The following SLC25A53 variants were observed in gnomAD, a reference collection of about 807,000 sequenced individuals.
The protein encoded by SLC25A53 is mitochondrial carrier triple repeat protein 6.
In SLC25A53, 5 loss-of-function variants were observed where a neutral mutation model predicts 15.0. The ratio of observed to expected loss-of-function variants is 0.33; its 90% CI spans 0.17 to 0.70. The LOEUF is 0.70. Among genes scored for constraint, SLC25A53 ranks in the 30% least tolerant of loss-of-function variants. The pLI, the probability that SLC25A53 is intolerant of heterozygous loss-of-function variation, is 0.67. For synonymous variants in SLC25A53, 95 were observed against 100.0 expected, an observed-to-expected ratio of 0.95 and a Z score of 0.30; for missense variants, 216 against 241.6, an observed-to-expected ratio of 0.89 and a Z score of 0.70.
chrX:104,127,790 C>T (rs1369944610), intron 1 of SLC25A53, among the ~76,000 whole-genome samples: 8 of 111,187 alleles, frequency 7.2e-5, no homozygotes, highest in African/African-American at 6.5e-5. Context: ...ATGGTGAAAC[C>T]GAGTCTTTAC....
chrX:104,127,585 G>A (rs1292419710), intron 1 of SLC25A53, among the ~76,000 whole-genome samples: 2 of 112,059 alleles, frequency 1.8e-5, no homozygotes, highest in Non-Finnish European at 3.8e-5. Context: ...CACCGTTAGA[G>A]GAAGCGTGGT....
At chrX:104,151,760 A>G (rs1453347693) in intron 1 of SLC25A53, among the ~76,000 whole-genome samples, 1 of 112,168 alleles carries the variant, frequency 8.9e-6, no homozygotes, top group Non-Finnish European at 1.9e-5. Context: ...GAGATACTGA[A>G]TGTTCATGCA....
chrX:104,145,683 C>A (rs1317325468), intron 1 of SLC25A53, among the ~76,000 whole-genome samples: 1 of 112,420 alleles, frequency 8.9e-6, no homozygotes, highest in African/African-American at 3.2e-5. Flanking sequence ...ATAAACACTT[C>A]TATGCAAATA....
intron 1 of SLC25A53, among the ~76,000 whole-genome samples, chrX:104,148,011 T>C (rs1352251647): frequency 2.7e-5 from 3 of 111,924 alleles, no homozygotes; most frequent in Admixed American, 9.5e-5. Flanking sequence ...CGTATGTTTA[T>C]TGTGGCATTA....
At chrX:104,152,772 C>G in intron 1 of SLC25A53, among the ~76,000 whole-genome samples, 1 of 112,061 alleles carries the variant, frequency 8.9e-6, no homozygotes, top group East Asian at 2.8e-4. Flanking sequence ...AAGGCACTGG[C>G]CATTCTAGCA....
At chrX:104,143,758 C>A (rs1335592631) in intron 1 of SLC25A53, among the ~76,000 whole-genome samples, 4 of 111,336 alleles carry the variant, frequency 3.6e-5, no homozygotes, top group Non-Finnish European at 5.6e-5. Flanking sequence ...GAGAACACCA[C>A]AGAGATATTC....
At chrX:104,116,210 C>T (rs1437377176) in intron 1 of SLC25A53, among the ~76,000 whole-genome samples, 1 of 111,170 alleles carries the variant, frequency 9.0e-6, no homozygotes, top group Non-Finnish European at 1.9e-5. Context: ...GATCTCTTGA[C>T]CTCAGATTAG....
At chrX:104,107,433 C>T (rs1305453577) in intron 1 of SLC25A53, among the ~76,000 whole-genome samples, 2 of 112,180 alleles carry the variant, frequency 1.8e-5, no homozygotes, top group African/African-American at 6.5e-5. Context: ...CTCTTTGCAT[C>T]CCTTTGGGCC....
chrX:104,107,894 G>T (rs2075319711), intron 1 of SLC25A53, among the ~76,000 whole-genome samples: 1 of 111,630 alleles, frequency 9.0e-6, no homozygotes, highest in Non-Finnish European at 1.9e-5. Context: ...ACCCATCTGA[G>T]CTGTAAATGG....
At position 104,124,527 on chromosome X, in the gene SLC25A53, T is replaced by G. The variant is rs782531069; in HGVS notation, c.-31-19239A>C. On this transcript the variant is annotated intron_variant, in intron 1 of 1. Coordinates refer to ENST00000594199, the MANE Select transcript of SLC25A53 (RefSeq NM_001012755.5). The stretch of plus-strand genomic sequence containing the variant: ...ACTTTGGGAGGCTCTGGAGGAGGAT[T>G]GCTTGAGGCCAAGAGTTCAAGACCA... Among the ~76,000 whole-genome samples the G allele has an allele frequency of 2.7e-5, 3 of 111,124 alleles. No individual in the cohort carries two copies. The East Asian group carries it at 8.5e-4, about 32-fold the overall frequency.
intron 1 of SLC25A53, among the ~76,000 whole-genome samples, chrX:104,145,711 G>A (rs914768196): frequency 1.2e-4 from 14 of 112,387 alleles, no homozygotes; most frequent in Non-Finnish European, 1.9e-4. Flanking sequence ...AAATCTAGAA[G>A]AAATGGATGA....
At chrX:104,120,600 T>C (rs782105114) in intron 1 of SLC25A53, among the ~76,000 whole-genome samples, 1 of 112,183 alleles carries the variant, frequency 8.9e-6, no homozygotes, top group African/African-American at 3.2e-5. Context: ...TCCTTAGAAT[T>C]TTCTGCATAC....
Position 104,147,148 on chromosome X carries a change from G to A in SLC25A53, c.-32+9730C>T, listed in dbSNP as rs184998100. On this transcript the variant is annotated intron_variant, in intron 1 of 1. Transcript: ENST00000594199. ...GAACAGAGCCCTCAGAAATAACGCC[G>A]CATATCTACAACTATCTGATCTCTG... is the stretch of plus-strand genomic sequence containing the variant. Among the ~76,000 whole-genome samples the A allele has an allele frequency of 3.5e-4, 39 of 111,175 alleles. 1 individual carries two copies. Among genetic ancestry groups the A allele is most frequent in the Non-Finnish European group, 5.7e-4 (30 of 53,008 alleles).
rs782516196 is a variant in SLC25A53 at position 104,117,001 on chromosome X, C to T, written c.-31-11713G>A. ...CAGTCTCATTCATACCCCCCTGCTC[C>T]ATCCATATCCCCACAATCCCATTCA... On this transcript the variant is annotated intron_variant, in intron 1 of 1. Transcript: ENST00000594199. 3.9e-5 allele frequency among the ~76,000 whole-genome samples: 4 copies of T among 103,408 alleles called. No individual in the cohort carries two copies. In the South Asian group the frequency reaches 1.9e-3, roughly 50 times the overall value. 89.8% of individuals were successfully genotyped at this position (103,408 alleles called of 115,157 possible). A position where few individuals can be genotyped will look rare whatever the true frequency, so the allele number is the denominator to read the frequency against.
rs1458763100 is a variant in SLC25A53, at chrX:104,100,143, TG to T, written c.*4190del. On this transcript the variant is annotated 3_prime_UTR_variant, in exon 2 of 2. Coordinates refer to ENST00000594199, the MANE Select transcript of SLC25A53 (RefSeq NM_001012755.5). ...CCAGTAAAATTATAATGCTATTTAG[TG>T]TTTAAAAATAAATTGTAAATGCAAA... 8.9e-6 allele frequency: 1 copy of T among 112,133 alleles called. No individual in the cohort carries two copies. The highest frequency in any genetic ancestry group is 2.8e-4 in the East Asian group (1 of 3,602). 9.2% of individuals were successfully genotyped at this position (112,133 alleles called of 1,213,427 possible). A position where few individuals can be genotyped will look rare whatever the true frequency, so the allele number is the denominator to read the frequency against.
At chrX:104,156,234 C>T (rs2075500723) in intron 1 of SLC25A53, among the ~76,000 whole-genome samples, 1 of 111,123 alleles carries the variant, frequency 9.0e-6, no homozygotes. Flanking sequence ...ATCACCGCAT[C>T]AAAGAGCCGT....
intron 1 of SLC25A53, among the ~76,000 whole-genome samples, chrX:104,118,335 C>A (rs1301310973): frequency 8.9e-6 from 1 of 111,767 alleles, no homozygotes; most frequent in African/African-American, 3.3e-5. Context: ...TACTATTTTC[C>A]CTTGTTTCCA....
At chrX:104,127,668 A>T (rs976934643) in intron 1 of SLC25A53, among the ~76,000 whole-genome samples, 1 of 112,112 alleles carries the variant, frequency 8.9e-6, no homozygotes, top group Non-Finnish European at 1.9e-5. Context: ...AATTTTTAAA[A>T]ATAACTAGCG....
chrX:104,123,903 T>A (rs1203490661), intron 1 of SLC25A53, among the ~76,000 whole-genome samples: 4 of 111,623 alleles, frequency 3.6e-5, no homozygotes, highest in Non-Finnish European at 7.5e-5. Flanking sequence ...CATCTTTTTT[T>A]ATATATTTAT....
Sources: gnomAD v4.1 joint callset for allele counts (sites outside exome capture counted in the v4.1 genomes callset) on GRCh38, gnomAD v4.1.1 for gene constraint, MANE v1.5 for transcripts, NCBI Gene and HGNC (gene_info 2026-07-23, HGNC 2026-07-21) for gene names.